The following CDH11 variants were observed in gnomAD, a reference collection of about 807,000 sequenced individuals.
The protein encoded by CDH11 is cadherin 11.
In CDH11, 11 loss-of-function variants were observed where a neutral mutation model predicts 67.8. That is an observed-to-expected ratio of 0.16 (90% confidence interval 0.10 to 0.27). The LOEUF (loss-of-function observed/expected upper bound fraction) is 0.27, where lower values mean the gene tolerates loss of function less well. Ranked by LOEUF, CDH11 falls within the 10% of genes least tolerant of loss-of-function variation. CDH11 has a pLI of 1.00. For missense variants in CDH11, 847 were observed against 1,031.2 expected (o/e 0.82, Z 2.45); for synonymous variants, 419 against 400.0 (o/e 1.05, Z -0.57).
intron 9 of CDH11, among the ~76,000 whole-genome samples, chr16:64,972,583 G>A (rs969714670): frequency 5.9e-5 from 9 of 152,148 alleles, no homozygotes; most frequent in Non-Finnish European, 8.8e-5. Flanking sequence ...TGGGCCTAAG[G>A]ACTTTGCTTT....
chr16:65,072,989 T>G (rs2074444026), intron 1 of CDH11, among the ~76,000 whole-genome samples: 2 of 152,242 alleles, frequency 1.3e-5, no homozygotes, highest in Non-Finnish European at 2.9e-5. Context: ...ACCTTGATCA[T>G]TATCATCATC....
chr16:64,960,634 A>T (rs139879796), intron 11 of CDH11, among the ~76,000 whole-genome samples: 1 of 152,244 alleles, frequency 6.6e-6, no homozygotes, highest in Non-Finnish European at 1.5e-5. Context: ...AATTCCCTGC[A>T]CATGGACATG....
rs2074236853 is a variant in CDH11 at position 65,061,608 on chromosome 16, G to A, written c.-297-7680C>T. Among the ~76,000 whole-genome samples, 5 of 152,152 alleles carry A rather than the reference G, an allele frequency of 3.3e-5. No individual in the cohort carries two copies. The South Asian group carries it at 1.0e-3, about 32-fold the overall frequency. On this transcript the variant is annotated intron_variant, in intron 1 of 12. Transcript: ENST00000268603. ...TGACTGGCATTAAATGCCTGTGTTT[G>A]TGCAAGTATTAAGTTTGAAAAAGTG...
intron 2 of CDH11, among the ~76,000 whole-genome samples, chr16:65,013,520 C>T (rs900882004): frequency 5.3e-5 from 8 of 152,028 alleles, no homozygotes; most frequent in Non-Finnish European, 8.8e-5. Flanking sequence ...CTCCACACTG[C>T]CCTGTTAAAA....
At chr16:64,954,624 G>C (rs1240646566) in intron 11 of CDH11, among the ~76,000 whole-genome samples, 1 of 152,176 alleles carries the variant, frequency 6.6e-6, no homozygotes, top group African/African-American at 2.4e-5. Flanking sequence ...TAGGAGACGT[G>C]TCTAGCAGCC....
chr16:64,993,753 T>C (rs556905523), intron 4 of CDH11, among the ~76,000 whole-genome samples: 3 of 152,276 alleles, frequency 2.0e-5, no homozygotes, highest in East Asian at 1.9e-4. Context: ...ACAACCTTTG[T>C]TCCTGGCTGG....
chr16:65,040,848 G>A (rs2073854568), intron 2 of CDH11, among the ~76,000 whole-genome samples: 1 of 152,114 alleles, frequency 6.6e-6, no homozygotes, highest in Non-Finnish European at 1.5e-5. Context: ...CACATATGAT[G>A]TTTTGTTGCA....
chr16:65,110,203 C>T (rs2075133003), intron 1 of CDH11, among the ~76,000 whole-genome samples: 1 of 152,132 alleles, frequency 6.6e-6, no homozygotes, highest in Non-Finnish European at 1.5e-5. Flanking sequence ...CCTTCTGCTC[C>T]AACCTTACAC....
chr16:65,021,568 AC>A (rs1203993197), intron 2 of CDH11, among the ~76,000 whole-genome samples: 6 of 69,878 alleles, frequency 8.6e-5, no homozygotes, highest in African/African-American at 1.8e-4. Context: ...ACACACACAC[AC>A]ATATATATAT....
intron 3 of CDH11, 96 bp from the exon 4 acceptor site, chr16:64,998,952 C>T: frequency 1.0e-6 from 1 of 959,662 alleles, no homozygotes; most frequent in South Asian, 1.5e-5. Flanking sequence ...CGCACACACA[C>T]ACGTCATGAA....
intron 2 of CDH11, among the ~76,000 whole-genome samples, chr16:65,025,590 C>T (rs1408044150): frequency 6.6e-6 from 1 of 152,170 alleles, no homozygotes; most frequent in Non-Finnish European, 1.5e-5. Context: ...ATCTACCCAC[C>T]TTGGCCTCCC....
At chr16:65,050,351 C>T (rs534687567) in intron 2 of CDH11, among the ~76,000 whole-genome samples, 27 of 152,300 alleles carry the variant, frequency 1.8e-4, no homozygotes, top group Non-Finnish European at 3.5e-4. Context: ...AGCCTCTCTC[C>T]GTCTTTCCTT....
At chr16:65,014,519 C>T (rs2073255206) in intron 2 of CDH11, among the ~76,000 whole-genome samples, 1 of 152,154 alleles carries the variant, frequency 6.6e-6, no homozygotes, top group African/African-American at 2.4e-5. Context: ...CAAGAGCTTA[C>T]TGGCCACGTG....
rs1299623252 is a variant in CDH11, at chr16:64,945,445, C to G, written c.*2158G>C. 7 of 1,036,138 alleles carry G rather than the reference C, an allele frequency of 6.8e-6. No individual in the cohort carries two copies. 64.2% of individuals were successfully genotyped at this position (1,036,138 alleles called of 1,614,324 possible). A position where few individuals can be genotyped will look rare whatever the true frequency, so the allele number is the denominator to read the frequency against. On this transcript the variant is annotated 3_prime_UTR_variant, in exon 13 of 13. Coordinates refer to ENST00000268603, the MANE Select transcript of CDH11 (RefSeq NM_001797.4). ...CAAATACATTCCTAGAGAAAAGGAT[C>G]ATCCATGGTGACAGGGTTACTTACA... is the stretch of plus-strand genomic sequence containing the variant.
intron 1 of CDH11, among the ~76,000 whole-genome samples, chr16:65,088,901 A>T (rs1281145743): frequency 6.6e-6 from 1 of 152,106 alleles, no homozygotes; most frequent in African/African-American, 2.4e-5. Context: ...ATCTCATTCC[A>T]CCCAGGTCAG....
At chr16:64,967,969 T>C (rs1259638761) in intron 11 of CDH11, among the ~76,000 whole-genome samples, 1 of 152,222 alleles carries the variant, frequency 6.6e-6, no homozygotes, top group Non-Finnish European at 1.5e-5. Context: ...GAACCCTAGA[T>C]TAATCCATAA....
chr16:65,050,133 CA>C (rs1383235920), intron 2 of CDH11, among the ~76,000 whole-genome samples: 1 of 152,158 alleles, frequency 6.6e-6, no homozygotes, highest in Admixed American at 6.5e-5. Flanking sequence ...TCCACTTCTC[CA>C]AGATGTTCAT....
chr16:65,098,852 T>G (rs549515817), intron 1 of CDH11, among the ~76,000 whole-genome samples: 233 of 152,210 alleles, frequency 1.5e-3, no homozygotes, highest in Non-Finnish European at 2.6e-3. Context: ...TTGGTGTGTG[T>G]GGGGGAGGTG....
chr16:64,945,567 T>C lies in CDH11; in HGVS notation c.*2036A>G, dbSNP rs1244018036. The stretch of plus-strand genomic sequence containing the variant: ...CTGTGCAAATCTAGCAAAATATTCT[T>C]TGGATTACAAAAACTATATAAAAAA... On this transcript the variant is annotated 3_prime_UTR_variant, in exon 13 of 13. Transcript: ENST00000268603. 9.7e-7 allele frequency: 1 copy of C among 1,030,120 alleles called. No individual in the cohort carries two copies. Among genetic ancestry groups the C allele is most frequent in the African/African-American group, 1.7e-5 (1 of 59,264 alleles). 63.8% of individuals were successfully genotyped at this position (1,030,120 alleles called of 1,614,324 possible).
Sources: gnomAD v4.1 joint callset for allele counts (sites outside exome capture counted in the v4.1 genomes callset) on GRCh38, gnomAD v4.1.1 for gene constraint, MANE v1.5 for transcripts, NCBI Gene and HGNC (gene_info 2026-07-23, HGNC 2026-07-21) for gene names.